The following MED13L variants were observed in gnomAD, a reference collection of about 807,000 sequenced individuals.
The protein encoded by MED13L is mediator complex subunit 13L.
A neutral mutation model predicts 220.9 loss-of-function variants in MED13L; 7 were observed. The ratio of observed to expected loss-of-function variants is 0.03; its 90% confidence interval spans 0.02 to 0.06. MED13L has a LOEUF of 0.06. MED13L is among the 10% of genes least tolerant of loss of function. The pLI, the probability that MED13L is intolerant of heterozygous loss-of-function variation, is 1.00. For missense variants in MED13L, 1,965 were observed against 2,760.5 expected, an observed-to-expected ratio of 0.71 and a Z score of 6.46; for synonymous variants, 1,011 against 1,015.2, an observed-to-expected ratio of 1.00 and a Z score of 0.08.
intron 2 of MED13L, among the ~76,000 whole-genome samples, chr12:116,132,024 A>AT (rs1876111895): frequency 6.6e-6 from 1 of 152,092 alleles, no homozygotes; most frequent in African/African-American, 2.4e-5. Context: ...CATGCCTGTA[A>AT]TCCCAACACT....
chr12:116,154,983 C>T (rs1011276576), intron 2 of MED13L, among the ~76,000 whole-genome samples: 3 of 152,126 alleles, frequency 2.0e-5, no homozygotes, highest in East Asian at 1.9e-4. Flanking sequence ...CACAACACTA[C>T]ACCTGGCTAA....
chr12:116,119,904 T>G lies in MED13L; in HGVS notation c.311-8392A>C, dbSNP rs556399834. Among the ~76,000 whole-genome samples the G allele has an allele frequency of 2.8e-5, 4 of 143,408 alleles. No individual in the cohort carries two copies. In the East Asian group the frequency reaches 8.2e-4, roughly 29 times the overall value. 94.1% of individuals were successfully genotyped at this position (143,408 alleles called of 152,430 possible). On this transcript the variant is annotated intron_variant, in intron 2 of 30. Transcript: ENST00000281928. ...CACATAACTAAGAAGTCTTAAGAATTTGTAGTCAAACTGAGCTACAGTCAG... is the reference window on the plus strand; with the variant it reads ...CACATAACTAAGAAGTCTTAAGAATGTGTAGTCAAACTGAGCTACAGTCAG...
intron 1 of MED13L, among the ~76,000 whole-genome samples, chr12:116,274,410 A>C (rs1013416677): frequency 9.0e-5 from 13 of 144,356 alleles, no homozygotes; most frequent in Non-Finnish European, 1.5e-4. Context: ...TTTTCTCTGC[A>C]AAAAAAAACA....
chr12:116,029,470 G>A (rs1880596818), intron 4 of MED13L, among the ~76,000 whole-genome samples: 2 of 151,946 alleles, frequency 1.3e-5, no homozygotes. Context: ...GATTACCAGA[G>A]TAGCTAAAAT....
chr12:116,062,005 A>G (rs1869531160), intron 4 of MED13L, among the ~76,000 whole-genome samples: 1 of 56,070 alleles, frequency 1.8e-5, no homozygotes, highest in Non-Finnish European at 3.4e-5. Flanking sequence ...AAGACTCCAC[A>G]TCGAAAAAAA....
At chr12:116,215,809 T>C (rs564861976) in intron 2 of MED13L, among the ~76,000 whole-genome samples, 19 of 152,300 alleles carry the variant, frequency 1.2e-4, no homozygotes, top group South Asian at 4.2e-4. Context: ...CCAAGAATGA[T>C]GGAACCACCT....
At chr12:115,997,362 TTAA>T in intron 14 of MED13L, 132 bp from the exon 15 acceptor site, 1 of 707,434 alleles carries the variant, frequency 1.4e-6, no homozygotes, top group East Asian at 2.7e-5. Context: ...CAAAAGAATA[TTAA>T]TAATGGAAGT....
At chr12:116,096,954 TA>T (rs1196298184) in intron 3 of MED13L, among the ~76,000 whole-genome samples, 1 of 152,132 alleles carries the variant, frequency 6.6e-6, no homozygotes, top group African/African-American at 2.4e-5. Context: ...TATGCCCACG[TA>T]AAAAAGAAAA....
At chr12:116,043,404 C>G (rs535735517) in intron 4 of MED13L, among the ~76,000 whole-genome samples, 15 of 152,308 alleles carry the variant, frequency 9.8e-5, no homozygotes, top group Non-Finnish European at 1.9e-4. Flanking sequence ...TCACTGACTC[C>G]TCTCCGAATA....
chr12:116,077,950 C>G (rs771429584), intron 4 of MED13L, among the ~76,000 whole-genome samples: 1 of 143,652 alleles, frequency 7.0e-6, no homozygotes, highest in Non-Finnish European at 1.5e-5. Context: ...GTCAGCAGCT[C>G]AAGACCAGCC....
intron 2 of MED13L, among the ~76,000 whole-genome samples, chr12:116,127,061 G>T (rs1875650663): frequency 6.6e-6 from 1 of 152,166 alleles, no homozygotes; most frequent in Non-Finnish European, 1.5e-5. Context: ...TCAATAGTTT[G>T]TCAACTGGTG....
In MED13L at chr12:115,969,086, C is replaced by A. The variant is rs1876393490; in HGVS notation, c.6079G>T (p.Val2027Phe). The A allele has an allele frequency of 6.2e-7, 1 of 1,613,740 alleles. No individual in the cohort carries two copies. Among genetic ancestry groups the A allele is most frequent in the Non-Finnish European group, 8.5e-7 (1 of 1,179,860 alleles). ...ATATCATCTGGGAATGGAAGGTCAA[C>A]AAACATATCATCTAGAGGGAAGGGG... ...GFSPNNDDMF[V>F]DLPFPDDMDN... The change falls in exon 28 of 31, where the codon GTT becomes TTT. Residue 2027 changes from valine (V) to phenylalanine (F), a missense_variant. Transcript: ENST00000281928.
chr12:115,982,156 CATAA>C (rs1286053175), intron 22 of MED13L: 11 of 546,388 alleles, frequency 2.0e-5, no homozygotes, highest in Admixed American at 1.6e-4. Flanking sequence ...GTATATGAAA[CATAA>C]ATAAATTTTA....
chr12:116,012,031 T>A (rs1879440766), intron 9 of MED13L, among the ~76,000 whole-genome samples: 1 of 152,224 alleles, frequency 6.6e-6, no homozygotes, highest in African/African-American at 2.4e-5. Context: ...GAACTTTTTA[T>A]CAACATTGAA....
rs1217041033 is a variant in MED13L at position 116,015,206 on chromosome 12, G to A, written c.1078C>T (p.His360Tyr). ...ATCTTCCCCGATCTCTTTGGACTGT[G>A]CATCGTTATCATCCCTCCATCTTGG... Reference protein sequence around the residue: ...VSQDGGMITMHSPKRSGKIPP... With the variant: ...VSQDGGMITMYSPKRSGKIPP... Residue 360 changes from histidine to tyrosine, a missense_variant, in exon 8 of 31, where the codon CAC becomes TAC. Coordinates refer to ENST00000281928, the MANE Select transcript of MED13L (RefSeq NM_015335.5). 8 of 1,613,686 alleles carry A rather than the reference G, an allele frequency of 5.0e-6. No individual in the cohort carries two copies. The highest frequency in any genetic ancestry group is 6.8e-6 in the Non-Finnish European group (8 of 1,179,838).
chr12:115,971,838 A>G (rs1243995041), intron 26 of MED13L, among the ~76,000 whole-genome samples: 1 of 152,150 alleles, frequency 6.6e-6, no homozygotes, highest in African/African-American at 2.4e-5. Flanking sequence ...CCATGACTCT[A>G]TGAGATCTCA....
intron 2 of MED13L, among the ~76,000 whole-genome samples, chr12:116,224,501 C>G (rs189627604): frequency 2.0e-5 from 3 of 152,198 alleles, no homozygotes; most frequent in Admixed American, 1.3e-4. Flanking sequence ...TGTATATACT[C>G]TCTCTTCTAC....
At chr12:116,159,472 T>C (rs548899006) in intron 2 of MED13L, among the ~76,000 whole-genome samples, 1 of 152,288 alleles carries the variant, frequency 6.6e-6, no homozygotes, top group South Asian at 2.1e-4. Context: ...TACTTTTATA[T>C]ATAATTAGAC....
chr12:116,237,639 T>C lies in MED13L; in HGVS notation c.139A>G (p.Ile47Val). ...GGATCATCTTGGGCTGGGGCTGAAA[T>C]TATGGGTCCACAGTCCCCATGCCCT... ...FGGHGDCGPIISAPAQDDPIL... is the reference protein window; with the variant it reads ...FGGHGDCGPIVSAPAQDDPIL... The change falls in exon 2 of 31, where the codon ATT (isoleucine) becomes GTT (valine). Residue 47 changes from isoleucine to valine, a missense_variant. Around this residue, in one of 10 missense-constraint regions of MED13L, gnomAD observed 818 missense variants for 1,041.2 expected, o/e 0.79. Transcript: ENST00000281928. 1 of 1,614,136 alleles carries C rather than the reference T, an allele frequency of 6.2e-7. No homozygotes were observed. Among genetic ancestry groups the C allele is most frequent in the South Asian group, 1.1e-5 (1 of 91,078 alleles).
Sources: gnomAD v4.1 joint callset for allele counts (sites outside exome capture counted in the v4.1 genomes callset) on GRCh38, gnomAD v4.1.1 for gene constraint, gnomAD v4.1.1 regional missense constraint, MANE v1.5 for transcripts, NCBI Gene and HGNC (gene_info 2026-07-23, HGNC 2026-07-21) for gene names.